ANKHD1: variants seen among roughly 807,000 people sequenced by gnomAD.
ANKHD1 encodes ankyrin repeat and KH domain-containing protein 1.
In ANKHD1, 31 loss-of-function variants were observed where a neutral mutation model predicts 230.5. That is an observed-to-expected ratio of 0.13 (90% confidence interval 0.10 to 0.18). ANKHD1 has a LOEUF of 0.18. Ranked by LOEUF, ANKHD1 falls within the 10% of genes least tolerant of loss-of-function variation. The pLI is 1.00. For missense variants in ANKHD1, 2,256 were observed against 3,071.3 expected, an observed-to-expected ratio of 0.73 and a Z score of 6.27; for synonymous variants, 1,074 against 1,117.6, an observed-to-expected ratio of 0.96 and a Z score of 0.78.
intron 9 of ANKHD1, among the ~76,000 whole-genome samples, chr5:140,461,447 C>T (rs1243225309): frequency 6.6e-6 from 1 of 152,100 alleles, no homozygotes; most frequent in Non-Finnish European, 1.5e-5. Context: ...TGAAGTGCTT[C>T]TTACAGTGTG....
rs1295096393 is a variant in ANKHD1, at chr5:140,402,036, C to T, written c.69C>T (p.Ser23=). ...EEDLDSVAPR[S]APAGASEPPP... Reference sequence around the variant, plus strand: ...ACCTGGACTCTGTGGCTCCGCGATCCGCCCCAGCTGGGGCCTCGGAGCCGC... The same window carrying T: ...ACCTGGACTCTGTGGCTCCGCGATCTGCCCCAGCTGGGGCCTCGGAGCCGC... The change falls in exon 1 of 34, where the codon TCC becomes TCT. Residue 23 remains serine (S), a synonymous_variant. Coordinates refer to ENST00000360839, the MANE Select transcript of ANKHD1 (RefSeq NM_017747.3). 6.7e-7 allele frequency: 1 copy of T among 1,499,286 alleles called. No individual in the cohort carries two copies. The highest frequency in any genetic ancestry group is 8.9e-7 in the Non-Finnish European group (1 of 1,129,888). The allele number at this position is 1,499,286 out of a possible 1,614,324, so 92.9% of individuals were successfully genotyped here. A position where few individuals can be genotyped will look rare whatever the true frequency, so the allele number is the denominator to read the frequency against.
chr5:140,458,315 AACTT>A (rs1045392844), intron 7 of ANKHD1, among the ~76,000 whole-genome samples: 1 of 152,108 alleles, frequency 6.6e-6, no homozygotes. Flanking sequence ...CAGTTTTTTG[AACTT>A]CAAAAAATGG....
chr5:140,517,118 A>G (rs1248608851), intron 24 of ANKHD1, among the ~76,000 whole-genome samples: 4 of 147,452 alleles, frequency 2.7e-5, no homozygotes, highest in East Asian at 2.0e-4. Flanking sequence ...ATGGAAAACA[A>G]AAAAAGGCAG....
In ANKHD1 at chr5:140,458,849, A is replaced by T. The variant is rs1457337632; in HGVS notation, c.1467A>T (p.Leu489=). ...AREGHEEMVA[L]LLAQGANINA... ...AAGGACATGAAGAAATGGTGGCACT[A>T]CTCTTAGCACAAGGTAAAGCAGTTT... The change falls in exon 8 of 34, where the codon CTA becomes CTT. Residue 489 remains leucine (L), a synonymous_variant. Transcript: ENST00000360839. 6.2e-7 allele frequency: 1 copy of T among 1,609,808 alleles called. No homozygotes were observed. Among genetic ancestry groups the T allele is most frequent in the Non-Finnish European group, 8.5e-7 (1 of 1,178,316 alleles).
At position 140,528,239 on chromosome 5, in the gene ANKHD1, G is replaced by T; in HGVS notation, c.5293G>T (p.Asp1765Tyr). The change falls in exon 29 of 34, where the codon GAT (aspartate) becomes TAT (tyrosine). Residue 1765 changes from aspartate (D) to tyrosine (Y), a missense_variant. Coordinates refer to ENST00000360839, the MANE Select transcript of ANKHD1 (RefSeq NM_017747.3). ...TCAACTAATCAATGCACTCATTCAA[G>T]ATCCTGCTAAGGAACTGGAAGACTT... is the stretch of plus-strand genomic sequence containing the variant. ...AVQLINALIQ[D>Y]PAKELEDLIP... 6.2e-7 allele frequency: 1 copy of T among 1,608,870 alleles called. No homozygotes were observed. The highest frequency in any genetic ancestry group is 8.5e-7 in the Non-Finnish European group (1 of 1,179,196).
At chr5:140,487,269 A>G (rs1190089792) in intron 14 of ANKHD1, among the ~76,000 whole-genome samples, 2 of 152,218 alleles carry the variant, frequency 1.3e-5, no homozygotes, top group Non-Finnish European at 1.5e-5. Flanking sequence ...ACATACTGAT[A>G]GTTGTAGCTT....
chr5:140,458,693 A>G lies in ANKHD1; in HGVS notation c.1311A>G (p.Ser437=). 2.5e-6 allele frequency: 4 copies of G among 1,613,180 alleles called. No homozygotes were observed. Among genetic ancestry groups the G allele is most frequent in the Non-Finnish European group, 3.4e-6 (4 of 1,179,632 alleles). The stretch of plus-strand genomic sequence containing the variant: ...CTCAAGTGAACATGCCTGCAGATTC[A>G]TTTGAATCTCCATTGACGCTAGCTG... ...SGAQVNMPAD[S]FESPLTLAAC... is the part of the protein sequence containing the mutation. Residue 437 remains serine, a synonymous_variant, in exon 8 of 34, where the codon TCA becomes TCG. Coordinates refer to ENST00000360839, the MANE Select transcript of ANKHD1 (RefSeq NM_017747.3).
At chr5:140,419,387 C>G (rs1355343231) in intron 1 of ANKHD1, among the ~76,000 whole-genome samples, 6 of 149,992 alleles carry the variant, frequency 4.0e-5, no homozygotes. Context: ...GATGCTAGTT[C>G]CTTAACAGAT....
At chr5:140,482,484 T>C in intron 10 of ANKHD1, 96 bp from the exon 11 acceptor site, 1 of 1,386,854 alleles carries the variant, frequency 7.2e-7, no homozygotes, top group Middle Eastern at 2.1e-4. Context: ...GTAAGTATAT[T>C]AAATCCTCGT....
chr5:140,489,268 G>A (rs1751657972), intron 14 of ANKHD1, among the ~76,000 whole-genome samples: 1 of 151,908 alleles, frequency 6.6e-6, no homozygotes, highest in African/African-American at 2.4e-5. Context: ...AGTGCTTTGG[G>A]AGGCCGAGGC....
intron 1 of ANKHD1, among the ~76,000 whole-genome samples, chr5:140,427,986 A>G (rs1158356380): frequency 1.1e-4 from 16 of 150,720 alleles, no homozygotes; most frequent in African/African-American, 3.9e-4. Flanking sequence ...GACACTCCTC[A>G]CATCCCGGAC....
chr5:140,402,854 T>C (rs1265342008), intron 1 of ANKHD1, among the ~76,000 whole-genome samples: 1 of 151,924 alleles, frequency 6.6e-6, no homozygotes, highest in Non-Finnish European at 1.5e-5. Context: ...TTTTGTGAAG[T>C]TAGACAGGAA....
intron 24 of ANKHD1, among the ~76,000 whole-genome samples, chr5:140,519,460 A>C (rs1753214370): frequency 6.6e-6 from 1 of 152,216 alleles, no homozygotes; most frequent in African/African-American, 2.4e-5. Context: ...AAAAGAGCCC[A>C]CATCGCCAAG....
At chr5:140,470,767 C>A (rs1776437590) in intron 10 of ANKHD1, among the ~76,000 whole-genome samples, 3 of 151,974 alleles carry the variant, frequency 2.0e-5, no homozygotes, top group Admixed American at 2.0e-4. Flanking sequence ...GAACTACGGG[C>A]ACACACTGCC....
At chr5:140,475,713 C>A (rs2127003612) in intron 10 of ANKHD1, among the ~76,000 whole-genome samples, 1 of 152,232 alleles carries the variant, frequency 6.6e-6, no homozygotes, top group African/African-American at 2.4e-5. Context: ...CCTTAGGTGT[C>A]CAGCAAAATA....
At position 140,441,131 on chromosome 5, in the gene ANKHD1, A is replaced by T. The variant is rs905157791; in HGVS notation, c.902A>T (p.Gln301Leu). The T allele has an allele frequency of 1.3e-6, 2 of 1,595,184 alleles. No homozygotes were observed. The highest frequency in any genetic ancestry group is 2.7e-5 in the African/African-American group (2 of 73,812). Residue 301 changes from glutamine (Q) to leucine (L), a missense_variant, in exon 5 of 34, where the codon CAG becomes CTG. Transcript: ENST00000360839. ...LLLHDADVNS[Q>L]SATGNTALTY... The stretch of plus-strand genomic sequence containing the variant: ...CTTCATGATGCTGATGTCAACTCCC[A>T]GTCTGCAACAGGTATGTAGAAAATG...
Position 140,427,816 on chromosome 5 carries a change from G to A in ANKHD1, c.307-8288G>A, listed in dbSNP as rs527328285. 3.6e-4 allele frequency among the ~76,000 whole-genome samples: 54 copies of A among 151,448 alleles called. No homozygotes were observed. In the East Asian group the frequency reaches 9.9e-3, roughly 28 times the overall value. ...CTCCCGGACAGGGTGGCTGCCGGGC[G>A]GAGACGTTCCTCACTTCCCAGACGG... On this transcript the variant is annotated intron_variant, in intron 1 of 33. Coordinates refer to ENST00000360839, the MANE Select transcript of ANKHD1 (RefSeq NM_017747.3).
chr5:140,451,843 T>C, intron 7 of ANKHD1, among the ~76,000 whole-genome samples: 1 of 152,112 alleles, frequency 6.6e-6, no homozygotes, highest in East Asian at 1.9e-4. Context: ...AAACCTTATT[T>C]TTCTACTCAG....
chr5:140,537,779 A>G (rs1754147367), intron 31 of ANKHD1, 190 bp downstream of exon 31: 3 of 992,040 alleles, frequency 3.0e-6, no homozygotes, highest in Non-Finnish European at 4.1e-6. Context: ...TGGTTGAGGT[A>G]ATACATAGAG....
Sources: gnomAD v4.1 joint callset for allele counts (sites outside exome capture counted in the v4.1 genomes callset) on GRCh38, gnomAD v4.1.1 for gene constraint, MANE v1.5 for transcripts, NCBI Gene and HGNC (gene_info 2026-07-23, HGNC 2026-07-21) for gene names.